The following RBFOX1 variants were observed in gnomAD, a reference collection of about 807,000 sequenced individuals.
RBFOX1 encodes RNA binding protein fox-1 homolog 1.
RBFOX1 carries 8 observed loss-of-function variants against 57.7 expected under a neutral mutation model. The observed-to-expected ratio is 0.14, with a 90% CI of 0.08 to 0.25. The LOEUF (loss-of-function observed/expected upper bound fraction) is 0.25, where lower values mean the gene tolerates loss of function less well. Ranked by LOEUF, RBFOX1 falls within the 10% of genes least tolerant of loss-of-function variation. RBFOX1 has a pLI of 1.00. For missense variants in RBFOX1, 611 were observed against 548.5 expected (o/e 1.11, Z -1.14); for synonymous variants, 326 against 222.4 (o/e 1.47, Z -4.15).
At chr16:5,259,909 G>T (rs1040783840) in intron 1 of RBFOX1, among the ~76,000 whole-genome samples, 3 of 152,080 alleles carry the variant, frequency 2.0e-5, no homozygotes, top group Non-Finnish European at 4.4e-5. Context: ...CTGTAAAAGT[G>T]TAAGTGAGGA....
intron 3 of RBFOX1, among the ~76,000 whole-genome samples, chr16:6,849,846 C>T (rs1346519051): frequency 2.6e-5 from 4 of 152,100 alleles, no homozygotes; most frequent in Non-Finnish European, 4.4e-5. Context: ...TCCGTTGTGC[C>T]TTATTTTTCT....
chr16:7,081,773 A>G (rs948019655), intron 4 of RBFOX1, among the ~76,000 whole-genome samples: 2 of 152,154 alleles, frequency 1.3e-5, no homozygotes, highest in Non-Finnish European at 2.9e-5. Flanking sequence ...GGTAACATGG[A>G]TGATTTGAAC....
chr16:5,903,301 C>T (rs1383601584), intron 4 of RBFOX1, among the ~76,000 whole-genome samples: 1 of 152,184 alleles, frequency 6.6e-6, no homozygotes, highest in Non-Finnish European at 1.5e-5. Context: ...CTCCCTCTTG[C>T]CCTCCCTGCT....
intron 3 of RBFOX1, among the ~76,000 whole-genome samples, chr16:6,758,500 G>A (rs983394642): frequency 6.6e-6 from 1 of 152,052 alleles, no homozygotes; most frequent in Non-Finnish European, 1.5e-5. Flanking sequence ...ATTGACGTGA[G>A]AGTCCAGCCT....
At chr16:6,180,068 A>G (rs577395562) in intron 1 of RBFOX1, among the ~76,000 whole-genome samples, 18 of 152,296 alleles carry the variant, frequency 1.2e-4, no homozygotes, top group Admixed American at 2.0e-4. Context: ...GTTTGCATCT[A>G]TATTTATAAA....
intron 3 of RBFOX1, among the ~76,000 whole-genome samples, chr16:6,891,678 T>C (rs536047542): frequency 5.3e-5 from 8 of 152,326 alleles, no homozygotes; most frequent in African/African-American, 1.2e-4. Flanking sequence ...TAATGTAATG[T>C]TTTCCTTGAA....
intron 2 of RBFOX1, among the ~76,000 whole-genome samples, chr16:6,647,142 C>T (rs968221471): frequency 5.3e-5 from 8 of 152,220 alleles, no homozygotes; most frequent in African/African-American, 1.9e-4. Context: ...CTCACTGGGT[C>T]CTCATTTGGA....
chr16:6,521,245 G>C (rs1359078243), intron 2 of RBFOX1, among the ~76,000 whole-genome samples: 1 of 152,096 alleles, frequency 6.6e-6, no homozygotes, highest in African/African-American at 2.4e-5. Flanking sequence ...CTGTGCTACT[G>C]TTGCTCATTG....
At chr16:6,885,986 C>T (rs978005799) in intron 3 of RBFOX1, among the ~76,000 whole-genome samples, 1 of 151,856 alleles carries the variant, frequency 6.6e-6, no homozygotes, top group African/African-American at 2.4e-5. Flanking sequence ...ACCACATGGA[C>T]TTGAGAAAAG....
intron 2 of RBFOX1, among the ~76,000 whole-genome samples, chr16:6,361,915 C>G (rs1026349660): frequency 3.7e-4 from 57 of 152,092 alleles, no homozygotes; most frequent in African/African-American, 1.3e-3. Context: ...TTTTTTCACT[C>G]ATTCATTCAA....
chr16:7,434,972 T>G (rs539546696), intron 4 of RBFOX1, among the ~76,000 whole-genome samples: 44 of 152,300 alleles, frequency 2.9e-4, no homozygotes, highest in African/African-American at 1.0e-3. Flanking sequence ...ACTGTTGACC[T>G]TCAGTGATCC....
chr16:6,032,442 A>G (rs573998546), intron 1 of RBFOX1, among the ~76,000 whole-genome samples: 4 of 152,336 alleles, frequency 2.6e-5, no homozygotes, highest in African/African-American at 9.6e-5. Flanking sequence ...AGAAAGAAAG[A>G]AAGGGATCCA....
chr16:6,551,561 A>G (rs753834919), intron 2 of RBFOX1, among the ~76,000 whole-genome samples: 1 of 152,230 alleles, frequency 6.6e-6, no homozygotes, highest in Non-Finnish European at 1.5e-5. Context: ...AAGTGATAAT[A>G]TTTAAAATGT....
At chr16:5,951,714 C>G (rs1325515937) in intron 4 of RBFOX1, among the ~76,000 whole-genome samples, 1 of 152,024 alleles carries the variant, frequency 6.6e-6, no homozygotes, top group Non-Finnish European at 1.5e-5. Context: ...GTAGCCACTT[C>G]CTTGTATTTC....
chr16:6,233,364 C>A (rs2097480527), intron 1 of RBFOX1, among the ~76,000 whole-genome samples: 1 of 152,008 alleles, frequency 6.6e-6, no homozygotes, highest in Non-Finnish European at 1.5e-5. Context: ...TCCAAACCAC[C>A]ATCTCCCCCG....
intron 4 of RBFOX1, among the ~76,000 whole-genome samples, chr16:5,905,966 C>T (rs1415941580): frequency 1.3e-5 from 2 of 152,156 alleles, no homozygotes; most frequent in Admixed American, 6.5e-5. Context: ...TGCCCAAAGC[C>T]CTACCTTAGG....
chr16:5,352,134 C>T (rs969401490), intron 1 of RBFOX1, among the ~76,000 whole-genome samples: 30 of 151,882 alleles, frequency 2.0e-4, no homozygotes, highest in Non-Finnish European at 4.3e-4. Flanking sequence ...TGTACTTTTC[C>T]CCAGTATGGT....
intron 1 of RBFOX1, among the ~76,000 whole-genome samples, chr16:6,245,941 C>G (rs1468995819): frequency 6.6e-6 from 1 of 152,196 alleles, no homozygotes; most frequent in Non-Finnish European, 1.5e-5. Context: ...CCTACTCAAA[C>G]TATTTCAGTC....
intron 3 of RBFOX1, among the ~76,000 whole-genome samples, chr16:5,813,196 C>T (rs970482438): frequency 3.3e-5 from 5 of 152,130 alleles, no homozygotes; most frequent in Non-Finnish European, 2.9e-5. Flanking sequence ...TTAGTAGAGA[C>T]GGGGTTTCAC....
Sources: gnomAD v4.1 joint callset for allele counts (sites outside exome capture counted in the v4.1 genomes callset) on GRCh38, gnomAD v4.1.1 for gene constraint, MANE v1.5 for transcripts, NCBI Gene and HGNC (gene_info 2026-07-23, HGNC 2026-07-21) for gene names.